Variants in NDST4 observed in about 807,000 individuals in gnomAD.
The protein encoded by NDST4 is N-heparan sulfate sulfotransferase 4.
In NDST4, 63 loss-of-function variants were observed where a neutral mutation model predicts 100.8. That is an observed-to-expected ratio of 0.62 (90% confidence interval 0.51 to 0.77). The LOEUF (loss-of-function observed/expected upper bound fraction) is 0.77, where lower values mean the gene tolerates loss of function less well. Ranked by LOEUF, NDST4 falls within the 30% of genes least tolerant of loss-of-function variation. The pLI is 0.00. For synonymous variants in NDST4, 377 were observed against 361.8 expected, an observed-to-expected ratio of 1.04 and a Z score of -0.48; for missense variants, 943 against 1,018.4, an observed-to-expected ratio of 0.93 and a Z score of 1.01.
At chr4:114,991,074 T>G (rs959183988) in intron 2 of NDST4, among the ~76,000 whole-genome samples, 1 of 151,346 alleles carries the variant, frequency 6.6e-6, no homozygotes, top group African/African-American at 2.5e-5. Flanking sequence ...GAAGAGGTTA[T>G]CAAACCCTGG....
At chr4:114,829,351 A>C (rs1723145975) in intron 13 of NDST4, among the ~76,000 whole-genome samples, 1 of 151,894 alleles carries the variant, frequency 6.6e-6, no homozygotes, top group Non-Finnish European at 1.5e-5. Flanking sequence ...TCCTGTAATA[A>C]ATCTGAGCTC....
At position 114,865,228 on chromosome 4, in the gene NDST4, C is replaced by G. The variant is rs189047469; in HGVS notation, c.1719+5540G>C. Among the ~76,000 whole-genome samples, 57 of 152,142 alleles carry G rather than the reference C, an allele frequency of 3.7e-4. 1 individual carries two copies. The East Asian group carries it at 8.9e-3, about 24-fold the overall frequency. On this transcript the variant is annotated intron_variant, in intron 7 of 13. Transcript: ENST00000264363. ...TGCAGGCACACACCACCATGCCTGG[C>G]TAATTTTTGTATTTTTAGTAGAGAC...
chr4:114,897,035 G>A (rs1440001185), intron 6 of NDST4, among the ~76,000 whole-genome samples: 1 of 152,020 alleles, frequency 6.6e-6, no homozygotes. Flanking sequence ...TATCCCCTAT[G>A]AGAGTGGTAC....
intron 1 of NDST4, among the ~76,000 whole-genome samples, chr4:115,084,316 G>A (rs1285450228): frequency 1.3e-5 from 2 of 152,182 alleles, no homozygotes; most frequent in African/African-American, 2.4e-5. Flanking sequence ...AAGCATTCAA[G>A]AGGAAGCGAA....
intron 8 of NDST4, among the ~76,000 whole-genome samples, chr4:114,850,186 G>T (rs938785876): frequency 2.6e-5 from 4 of 152,124 alleles, no homozygotes; most frequent in African/African-American, 9.7e-5. Flanking sequence ...GCAGGGCACA[G>T]ATAAAAATAT....
rs758127809 is a variant in NDST4 at position 115,096,692 on chromosome 4, T to G, written c.-247+16752A>C. ...TTCACACTCCCATGTAGCAATAATA[T>G]TTTCCTTCTCGACTAAAATATCCAT... On this transcript the variant is annotated intron_variant, in intron 1 of 13. Coordinates refer to ENST00000264363, the MANE Select transcript of NDST4 (RefSeq NM_022569.3). Among the ~76,000 whole-genome samples, 70 of 152,080 alleles carry G rather than the reference T, an allele frequency of 4.6e-4. 2 individuals carry two copies. Among genetic ancestry groups the G allele is most frequent in the Non-Finnish European group, 1.0e-3 (68 of 67,978 alleles).
intron 2 of NDST4, among the ~76,000 whole-genome samples, chr4:115,059,871 T>C (rs948717590): frequency 6.6e-6 from 1 of 151,596 alleles, no homozygotes; most frequent in Non-Finnish European, 1.5e-5. Flanking sequence ...GTGTTTCTGG[T>C]ACTCAGTCTT....
chr4:114,986,794 A>ATGTG (rs1491577569), intron 2 of NDST4, among the ~76,000 whole-genome samples: 1 of 10,390 alleles, frequency 9.6e-5, no homozygotes, highest in Non-Finnish European at 2.1e-4. Flanking sequence ...CCAATTATAC[A>ATGTG]TATATATATA....
At position 114,922,158 on chromosome 4, in the gene NDST4, T is replaced by A. The variant is rs6814738; in HGVS notation, c.1536+13048A>T. On this transcript the variant is annotated intron_variant, in intron 6 of 13. Transcript: ENST00000264363. ...TTGCAGCAGTGCCAGGGAAAGGCAGTCTCCTGACATATCAAAACCCTTGAA... is the reference window on the plus strand; with the variant it reads ...TTGCAGCAGTGCCAGGGAAAGGCAGACTCCTGACATATCAAAACCCTTGAA... 1.1e-4 allele frequency among the ~76,000 whole-genome samples: 16 copies of A among 152,254 alleles called. 1 individual carries two copies. The East Asian group carries it at 1.4e-3, about 13-fold the overall frequency.
rs1432858773 is a variant in NDST4 at position 115,093,769 on chromosome 4, A to G, written c.-246-16487T>C. Among the ~76,000 whole-genome samples the G allele has an allele frequency of 2.0e-5, 3 of 152,146 alleles. No individual in the cohort carries two copies. In the East Asian group the frequency reaches 5.8e-4, roughly 29 times the overall value. ...AAGAAACATAATTAAAAACAATTAT[A>G]AATAAGATATGAGTAAAATACATTT... On this transcript the variant is annotated intron_variant, in intron 1 of 13. Transcript: ENST00000264363.
intron 2 of NDST4, among the ~76,000 whole-genome samples, chr4:115,062,994 A>G (rs1728856077): frequency 6.6e-6 from 1 of 151,980 alleles, no homozygotes; most frequent in Non-Finnish European, 1.5e-5. Flanking sequence ...CTTATGTGAT[A>G]CAAGTAACAA....
At chr4:115,036,469 C>A (rs1260034777) in intron 2 of NDST4, among the ~76,000 whole-genome samples, 1 of 151,360 alleles carries the variant, frequency 6.6e-6, no homozygotes, top group African/African-American at 2.4e-5. Context: ...ACAAGGAAAA[C>A]TAATAATAGT....
chr4:115,111,736 G>T (rs1053849645), intron 1 of NDST4, among the ~76,000 whole-genome samples: 7 of 151,462 alleles, frequency 4.6e-5, no homozygotes, highest in Admixed American at 3.3e-4. Context: ...TTTTTCAAAG[G>T]GTTTTTATGT....
intron 4 of NDST4, among the ~76,000 whole-genome samples, chr4:114,955,624 T>C (rs1239062162): frequency 1.3e-5 from 2 of 152,188 alleles, no homozygotes; most frequent in Non-Finnish European, 2.9e-5. Flanking sequence ...AGTTGTGCAA[T>C]GGTGGTATGA....
chr4:115,097,798 T>C (rs1729650691), intron 1 of NDST4, among the ~76,000 whole-genome samples: 1 of 152,200 alleles, frequency 6.6e-6, no homozygotes, highest in African/African-American at 2.4e-5. Context: ...CACACAGTTC[T>C]ACCAAGTATT....
chr4:114,904,294 A>G (rs1724905710), intron 6 of NDST4, among the ~76,000 whole-genome samples: 1 of 151,978 alleles, frequency 6.6e-6, no homozygotes, highest in Non-Finnish European at 1.5e-5. Context: ...TAACAGAATA[A>G]TTATCAAAAA....
intron 2 of NDST4, among the ~76,000 whole-genome samples, chr4:115,001,465 GT>G (rs953446380): frequency 6.0e-4 from 91 of 150,524 alleles, no homozygotes; most frequent in East Asian, 7.8e-4. Flanking sequence ...AGATTCATGG[GT>G]TTTTTTTTCC....
intron 4 of NDST4, among the ~76,000 whole-genome samples, chr4:114,963,593 A>C (rs1197394469): frequency 6.6e-6 from 1 of 152,222 alleles, no homozygotes; most frequent in Non-Finnish European, 1.5e-5. Context: ...TACCAATATC[A>C]ATAAAGCTGC....
At position 114,858,877 on chromosome 4, in the gene NDST4, T is replaced by C. The variant is rs35529253; in HGVS notation, c.1720-6056A>G. Among the ~76,000 whole-genome samples the C allele has an allele frequency of 8.1e-3, 1,229 of 152,344 alleles. 10 individuals carry two copies. The highest frequency in any genetic ancestry group is 0.014 in the Middle Eastern group (4 of 294). On this transcript the variant is annotated intron_variant, in intron 7 of 13. Transcript: ENST00000264363. The stretch of plus-strand genomic sequence containing the variant: ...AGCTAAAACTCCTACCTGGTCACTT[T>C]GGACTTTTTGTGCCAGTAGATTGGC...
Sources: allele counts gnomAD v4.1 joint callset (sites outside exome capture counted in the v4.1 genomes callset), GRCh38; gene constraint gnomAD v4.1.1; transcripts MANE v1.5; gene names NCBI Gene and HGNC (gene_info 2026-07-23, HGNC 2026-07-21).